The following PEX5L variants were observed in gnomAD, a reference collection of about 807,000 sequenced individuals.
PEX5L encodes peroxisomal biogenesis factor 5 like, also known as PEX5-related protein.
PEX5L carries 30 observed loss-of-function variants against 84.0 expected under a neutral mutation model. The observed-to-expected ratio is 0.36, with a 90% CI of 0.27 to 0.48. PEX5L has a LOEUF of 0.48. PEX5L is among the 20% of genes least tolerant of loss of function. The probability of loss-of-function intolerance (pLI) is 0.99; values close to 1 mark genes in which losing one functional copy is unlikely to be tolerated. For missense variants in PEX5L, 533 were observed against 754.6 expected (o/e 0.71, Z 3.44); for synonymous variants, 270 against 283.1 (o/e 0.95, Z 0.46).
chr3:179,976,669 A>G (rs1173933250), intron 1 of PEX5L, among the ~76,000 whole-genome samples: 2 of 152,080 alleles, frequency 1.3e-5, no homozygotes, highest in African/African-American at 4.8e-5. Flanking sequence ...AACTCCTGAC[A>G]TCAGGTGATC....
chr3:179,911,463 A>G (rs1362415153), intron 2 of PEX5L, among the ~76,000 whole-genome samples: 1 of 152,054 alleles, frequency 6.6e-6, no homozygotes, highest in African/African-American at 2.4e-5. Context: ...GATACTAATA[A>G]CTGCCTTACT....
rs1382359578 is a variant in PEX5L at position 179,832,239 on chromosome 3, A to AAG, written c.823-12265_823-12264dup. 1.1e-4 allele frequency among the ~76,000 whole-genome samples: 17 copies of AAG among 151,688 alleles called. No homozygotes were observed. The South Asian group carries it at 3.1e-3, about 28-fold the overall frequency. On this transcript the variant is annotated intron_variant, in intron 8 of 14. Transcript: ENST00000467460. ...GGTGGGGTTGGGGGAGAGCTACAGA[A>AAG]AGAGAGAGAGAGACAGAGAGAGAGA...
At chr3:179,909,192 A>G (rs146015620) in intron 2 of PEX5L, among the ~76,000 whole-genome samples, 1 of 152,124 alleles carries the variant, frequency 6.6e-6, no homozygotes, top group South Asian at 2.1e-4. Flanking sequence ...CAATTTACCC[A>G]TTTAACTGTT....
chr3:179,872,501 T>C lies in PEX5L; in HGVS notation c.726+1826A>G, dbSNP rs564640642. Among the ~76,000 whole-genome samples, 252 of 152,356 alleles carry C rather than the reference T, an allele frequency of 1.7e-3. 1 individual carries two copies. The highest frequency in any genetic ancestry group is 2.9e-3 in the Non-Finnish European group (200 of 68,040). On this transcript the variant is annotated intron_variant, in intron 7 of 14. Transcript: ENST00000467460. Reference sequence around the variant, plus strand: ...TCTCAGGTGCATTTTAAACTATGTTTTGGAGACAATATAGAAAATTTTCTA... The same window carrying C: ...TCTCAGGTGCATTTTAAACTATGTTCTGGAGACAATATAGAAAATTTTCTA...
Position 179,856,517 on chromosome 3 carries a change from G to A in PEX5L, c.822+2545C>T, listed in dbSNP as rs193085236. Reference sequence around the variant, plus strand: ...ATAAATTCTATGAAGTGGCTGGGTCGATGAGCATAAATATTTCCAAGACTC... The same window carrying A: ...ATAAATTCTATGAAGTGGCTGGGTCAATGAGCATAAATATTTCCAAGACTC... On this transcript the variant is annotated intron_variant, in intron 8 of 14. Coordinates refer to ENST00000467460, the MANE Select transcript of PEX5L (RefSeq NM_016559.3). Among the ~76,000 whole-genome samples, 1,014 of 152,228 alleles carry A rather than the reference G, an allele frequency of 6.7e-3. 8 individuals carry two copies. The highest frequency in any genetic ancestry group is 0.023 in the South Asian group (110 of 4,820).
At position 179,979,015 on chromosome 3, in the gene PEX5L, T is replaced by C. The variant is rs554724779; in HGVS notation, c.22-7350A>G. 1.8e-4 allele frequency among the ~76,000 whole-genome samples: 27 copies of C among 152,296 alleles called. No homozygotes were observed. In the South Asian group the frequency reaches 3.7e-3, roughly 21 times the overall value. Reference sequence around the variant, plus strand: ...CAACCTCACTATACTCTGGGCTATATAGTATGTAATCACCTCTGGTACCTG... The same window carrying C: ...CAACCTCACTATACTCTGGGCTATACAGTATGTAATCACCTCTGGTACCTG... On this transcript the variant is annotated intron_variant, in intron 1 of 14. Coordinates refer to ENST00000467460, the MANE Select transcript of PEX5L (RefSeq NM_016559.3).
chr3:179,837,700 T>TA (rs2109292260), intron 8 of PEX5L, among the ~76,000 whole-genome samples: 1 of 152,362 alleles, frequency 6.6e-6, no homozygotes, highest in South Asian at 2.1e-4. Flanking sequence ...CATGGGATGC[T>TA]AAATAGTGGA....
intron 8 of PEX5L, among the ~76,000 whole-genome samples, chr3:179,846,065 G>A (rs761746583): frequency 1.3e-5 from 2 of 152,116 alleles, no homozygotes; most frequent in African/African-American, 2.4e-5. Context: ...AGCTACTCAG[G>A]AGGCTGAGGC....
chr3:179,977,590 A>G (rs1340994874), intron 1 of PEX5L, among the ~76,000 whole-genome samples: 1 of 152,214 alleles, frequency 6.6e-6, no homozygotes, highest in Non-Finnish European at 1.5e-5. Flanking sequence ...GAAGTAAGGA[A>G]AAAGGATAAA....
chr3:180,036,087 G>A (rs1473593261), intron 1 of PEX5L, among the ~76,000 whole-genome samples: 1 of 152,194 alleles, frequency 6.6e-6, no homozygotes, highest in Non-Finnish European at 1.5e-5. Flanking sequence ...GTCCCATAAT[G>A]TGAAGGGGGA....
At chr3:179,980,988 T>C (rs932049510) in intron 1 of PEX5L, among the ~76,000 whole-genome samples, 18 of 150,012 alleles carry the variant, frequency 1.2e-4, no homozygotes, top group Non-Finnish European at 2.1e-4. Flanking sequence ...TGTACCACTG[T>C]ACTCTAGTCT....
intron 2 of PEX5L, among the ~76,000 whole-genome samples, chr3:179,907,354 C>T (rs1763610447): frequency 1.3e-5 from 2 of 152,008 alleles, no homozygotes; most frequent in African/African-American, 4.8e-5. Flanking sequence ...TCTCTGTTGC[C>T]CAGGCTGAAG....
At chr3:179,846,177 CA>C (rs1342446089) in intron 8 of PEX5L, among the ~76,000 whole-genome samples, 2 of 151,146 alleles carry the variant, frequency 1.3e-5, no homozygotes, top group South Asian at 2.1e-4. Flanking sequence ...CTCAAAAAAA[CA>C]AAAAAAACTA....
At chr3:179,856,382 T>C (rs1025990853) in intron 8 of PEX5L, among the ~76,000 whole-genome samples, 2 of 17,368 alleles carry the variant, frequency 1.2e-4, no homozygotes, top group East Asian at 0.17. Flanking sequence ...AAGGATATGA[T>C]ATAATTTTAG....
At chr3:179,832,663 C>G (rs887089623) in intron 8 of PEX5L, among the ~76,000 whole-genome samples, 1 of 151,842 alleles carries the variant, frequency 6.6e-6, no homozygotes, top group Non-Finnish European at 1.5e-5. Context: ...TACCTACCTA[C>G]CCACCAACCT....
At chr3:180,035,164 C>G (rs950018297) in intron 1 of PEX5L, among the ~76,000 whole-genome samples, 5 of 152,106 alleles carry the variant, frequency 3.3e-5, no homozygotes, top group Non-Finnish European at 7.4e-5. Context: ...TGTGAAGAAA[C>G]TGTTTAAAAA....
chr3:179,986,711 T>C (rs1579239461), intron 1 of PEX5L, among the ~76,000 whole-genome samples: 3 of 152,120 alleles, frequency 2.0e-5, no homozygotes, highest in South Asian at 2.1e-4. Context: ...CAACATTTAG[T>C]AATTTTTTTT....
intron 2 of PEX5L, among the ~76,000 whole-genome samples, chr3:179,936,089 C>T (rs529264115): frequency 5.9e-5 from 9 of 152,214 alleles, no homozygotes; most frequent in South Asian, 2.1e-4. Flanking sequence ...CAACACAAAA[C>T]GAATCAAGAC....
rs1487332747 is a variant in PEX5L, at chr3:179,874,726, GTTTTTTTTTTTGTTT to G, written c.630-318_630-304del. ...AATTCTGTTTCATAAAAAAATTATG[GTTTTTTTTTTTGTTT>G]TTTTTTTTTTTTTTTTTTTTTGGTA... On this transcript the variant is annotated intron_variant, in intron 6 of 14. Transcript: ENST00000467460. Among the ~76,000 whole-genome samples, 38 of 45,198 alleles carry G rather than the reference GTTTTTTTTTTTGTTT, an allele frequency of 8.4e-4. 1 individual carries two copies. The highest frequency in any genetic ancestry group is 2.3e-3 in the South Asian group (2 of 886). 29.7% of individuals were successfully genotyped at this position (45,198 alleles called of 152,430 possible). A position where few individuals can be genotyped will look rare whatever the true frequency, so the allele number is the denominator to read the frequency against.
Sources: gnomAD v4.1 joint callset for allele counts (sites outside exome capture counted in the v4.1 genomes callset) on GRCh38, gnomAD v4.1.1 for gene constraint, MANE v1.5 for transcripts, NCBI Gene and HGNC (gene_info 2026-07-23, HGNC 2026-07-21) for gene names.